Variants in TLN2 observed in about 807,000 individuals in gnomAD.
The protein encoded by TLN2 is talin-2.
Under a neutral mutation model 294.7 loss-of-function variants are expected in TLN2, and 118 were observed. That is an observed-to-expected ratio of 0.40 (90% CI 0.34 to 0.47). TLN2 has a LOEUF of 0.47. Ranked by LOEUF, TLN2 falls within the 20% of genes least tolerant of loss-of-function variation. The pLI, the probability that TLN2 is intolerant of heterozygous loss-of-function variation, is 0.84. For missense variants in TLN2, 3,083 were observed against 3,282.2 expected (o/e 0.94, Z 1.48); for synonymous variants, 1,431 against 1,304.5 (o/e 1.10, Z -2.09).
At chr15:62,511,382 G>C (rs2039926284) in intron 1 of TLN2, among the ~76,000 whole-genome samples, 1 of 152,200 alleles carries the variant, frequency 6.6e-6, no homozygotes, top group African/African-American at 2.4e-5. Flanking sequence ...ATTGCCCACT[G>C]TAGTCTTGTG....
chr15:62,535,319 A>T (rs2041275189), intron 1 of TLN2, among the ~76,000 whole-genome samples: 2 of 152,150 alleles, frequency 1.3e-5, no homozygotes, highest in African/African-American at 2.4e-5. Flanking sequence ...TTTGGGGTAC[A>T]GCCTATGCGT....
chr15:62,405,098 G>T (rs2033311628), intron 1 of TLN2, among the ~76,000 whole-genome samples: 1 of 152,214 alleles, frequency 6.6e-6, no homozygotes, highest in Non-Finnish European at 1.5e-5. Context: ...TCAGAGGGGT[G>T]TGACGCTTGA....
At chr15:62,404,691 A>T (rs2033275403) in intron 1 of TLN2, among the ~76,000 whole-genome samples, 1 of 148,580 alleles carries the variant, frequency 6.7e-6, no homozygotes, top group Admixed American at 7.0e-5. Flanking sequence ...GAGGTCATGC[A>T]TGCTGGATCT....
chr15:62,631,962 G>T (rs758829758), intron 3 of TLN2, among the ~76,000 whole-genome samples: 1 of 152,074 alleles, frequency 6.6e-6, no homozygotes, highest in Non-Finnish European at 1.5e-5. Flanking sequence ...GTTTCATCAG[G>T]AGCTGTGGTG....
chr15:62,631,691 T>G (rs959005668), intron 3 of TLN2, among the ~76,000 whole-genome samples: 4 of 146,082 alleles, frequency 2.7e-5, no homozygotes, highest in African/African-American at 1.0e-4. Context: ...CTTTCTGTCT[T>G]TCTTTCTTTC....
intron 1 of TLN2, among the ~76,000 whole-genome samples, chr15:62,494,350 A>G (rs1369490354): frequency 2.6e-5 from 4 of 152,046 alleles, no homozygotes; most frequent in African/African-American, 4.8e-5. Flanking sequence ...GCCTCTCCAG[A>G]AGTAGATTAG....
At chr15:62,443,709 A>G (rs2035668947) in intron 1 of TLN2, among the ~76,000 whole-genome samples, 1 of 152,178 alleles carries the variant, frequency 6.6e-6, no homozygotes, top group Admixed American at 6.5e-5. Context: ...TGTGTATAAA[A>G]TGGGAGTCTG....
chr15:62,818,127 C>G (rs1404082799), intron 52 of TLN2, among the ~76,000 whole-genome samples: 9 of 152,072 alleles, frequency 5.9e-5, no homozygotes, highest in Non-Finnish European at 1.2e-4. Flanking sequence ...GATCTTTGTG[C>G]CAGCCCTGAG....
chr15:62,818,221 T>A (rs1032524983), intron 52 of TLN2, among the ~76,000 whole-genome samples: 2 of 152,240 alleles, frequency 1.3e-5, no homozygotes, highest in African/African-American at 4.8e-5. Context: ...CACAAGTTTG[T>A]TCATTTCCAA....
chr15:62,733,880 C>T (rs775109659), intron 28 of TLN2: 7 of 152,182 alleles, frequency 4.6e-5, no homozygotes, highest in Non-Finnish European at 8.8e-5. Context: ...AGGAACAGTT[C>T]CATTCGGTGG....
At chr15:62,476,763 A>G (rs2037803670) in intron 1 of TLN2, among the ~76,000 whole-genome samples, 1 of 152,160 alleles carries the variant, frequency 6.6e-6, no homozygotes, top group Non-Finnish European at 1.5e-5. Context: ...CCTTCGAGAA[A>G]GCACCCGCTT....
intron 1 of TLN2, among the ~76,000 whole-genome samples, chr15:62,493,177 A>G (rs1298421598): frequency 6.6e-6 from 1 of 152,208 alleles, no homozygotes; most frequent in Non-Finnish European, 1.5e-5. Flanking sequence ...GCTTCACTGG[A>G]AACTGGGCAA....
rs1303443452 is a variant in TLN2 at position 62,807,335 on chromosome 15, C to T, written c.6663+1550C>T. Among the ~76,000 whole-genome samples the T allele has an allele frequency of 4.6e-5, 7 of 152,160 alleles. No homozygotes were observed. The East Asian group carries it at 7.7e-4, about 17-fold the overall frequency. On this transcript the variant is annotated intron_variant, in intron 51 of 58. Coordinates refer to ENST00000636159, the MANE Select transcript of TLN2 (RefSeq NM_015059.3). ...CTCATTTGATCCCATATGAGAAAGG[C>T]GAGAGTAATTATTCTGTTTGTTACA...
intron 1 of TLN2, among the ~76,000 whole-genome samples, chr15:62,570,606 G>A (rs1401584686): frequency 1.3e-5 from 2 of 151,470 alleles, no homozygotes; most frequent in African/African-American, 2.4e-5. Flanking sequence ...CCTAATTTTG[G>A]TTGCTTAAGC....
rs185543842 is a variant in TLN2, at chr15:62,600,899, G to T, written c.-162+11137G>T. On this transcript the variant is annotated intron_variant, in intron 2 of 58. Coordinates refer to ENST00000636159, the MANE Select transcript of TLN2 (RefSeq NM_015059.3). The stretch of plus-strand genomic sequence containing the variant: ...ATGTTATTGTGCCAAAAATGTAAAC[G>T]TTATTAATATTTTCTGAATATTATC... Among the ~76,000 whole-genome samples the T allele has an allele frequency of 2.4e-3, 362 of 152,142 alleles. 1 individual carries two copies. The highest frequency in any genetic ancestry group is 8.4e-3 in the African/African-American group (347 of 41,510).
intron 11 of TLN2, among the ~76,000 whole-genome samples, chr15:62,676,318 T>C (rs962386976): frequency 1.3e-5 from 2 of 152,200 alleles, no homozygotes; most frequent in African/African-American, 4.8e-5. Flanking sequence ...TAGTTATTAA[T>C]ACATTAACCA....
chr15:62,729,758 G>A (rs1180801161), intron 28 of TLN2, among the ~76,000 whole-genome samples: 2 of 152,064 alleles, frequency 1.3e-5, no homozygotes, highest in Non-Finnish European at 2.9e-5. Flanking sequence ...TTACTGATAT[G>A]TTGGGGTTCG....
At chr15:62,463,107 T>C (rs1360339625) in intron 1 of TLN2, among the ~76,000 whole-genome samples, 4 of 152,304 alleles carry the variant, frequency 2.6e-5, no homozygotes, top group East Asian at 3.9e-4. Flanking sequence ...CTTCTTTGGA[T>C]GTTTTTCTAG....
chr15:62,795,075 G>A (rs2065372716), intron 46 of TLN2, among the ~76,000 whole-genome samples: 1 of 152,192 alleles, frequency 6.6e-6, no homozygotes, highest in South Asian at 2.1e-4. Context: ...AGGCAGGGCT[G>A]TCTCTGGAAG....
Sources: gnomAD v4.1 joint callset for allele counts (sites outside exome capture counted in the v4.1 genomes callset) on GRCh38, gnomAD v4.1.1 for gene constraint, MANE v1.5 for transcripts, NCBI Gene and HGNC (gene_info 2026-07-23, HGNC 2026-07-21) for gene names.